The following CERKL variants were observed in gnomAD, a reference collection of about 807,000 sequenced individuals.
CERKL encodes the protein CERK like autophagy regulator, also known as ceramide kinase-like protein.
CERKL carries 61 observed loss-of-function variants against 63.4 expected under a neutral mutation model. The ratio of observed to expected loss-of-function variants is 0.96; its 90% CI spans 0.78 to 1.19. The LOEUF is 1.19. Among genes scored for constraint, CERKL ranks in the 50% most tolerant of loss-of-function variants. CERKL has a pLI of 0.00. For missense variants in CERKL, 675 were observed against 655.5 expected, an observed-to-expected ratio of 1.03 and a Z score of -0.33; for synonymous variants, 250 against 230.5, an observed-to-expected ratio of 1.08 and a Z score of -0.77.
At chr2:181,586,074 C>A (rs1209647438) in intron 2 of CERKL, among the ~76,000 whole-genome samples, 1 of 152,098 alleles carries the variant, frequency 6.6e-6, no homozygotes, top group Non-Finnish European at 1.5e-5. Context: ...TGCAGTAAAC[C>A]TATCTCCCAT....
intron 1 of CERKL, among the ~76,000 whole-genome samples, chr2:181,651,172 T>C (rs1260457994): frequency 6.6e-6 from 1 of 152,194 alleles, no homozygotes; most frequent in Non-Finnish European, 1.5e-5. Flanking sequence ...TCCAAACTCA[T>C]TTCATGAGTC....
chr2:181,543,940 C>A (rs184046880), intron 11 of CERKL, among the ~76,000 whole-genome samples: 1 of 147,476 alleles, frequency 6.8e-6, no homozygotes, highest in South Asian at 2.1e-4. Context: ...GCAGACATCA[C>A]GCCACTGCAC....
chr2:181,644,698 TG>T (rs36061620), intron 1 of CERKL, among the ~76,000 whole-genome samples: 7 of 151,972 alleles, frequency 4.6e-5, no homozygotes, highest in African/African-American at 1.7e-4. Context: ...TAACATATAA[TG>T]GGGGAAAAAA....
chr2:181,633,830 C>A (rs1415351946), intron 1 of CERKL, among the ~76,000 whole-genome samples: 1 of 152,140 alleles, frequency 6.6e-6, no homozygotes, highest in East Asian at 1.9e-4. Context: ...ATTCCACTTC[C>A]TTTTTCTTTG....
At chr2:181,559,708 A>G (rs1688357466) in intron 4 of CERKL, among the ~76,000 whole-genome samples, 1 of 152,216 alleles carries the variant, frequency 6.6e-6, no homozygotes, top group South Asian at 2.1e-4. Context: ...TATTTCAAAC[A>G]AAACTGTCTA....
chr2:181,548,249 G>C, intron 8 of CERKL: 2 of 508,710 alleles, frequency 3.9e-6, no homozygotes, highest in Non-Finnish European at 6.9e-6. Context: ...AAGGGAAAAG[G>C]AAAGAAAGGG....
At chr2:181,560,669 A>ATT (rs1688400513) in intron 4 of CERKL, among the ~76,000 whole-genome samples, 1 of 152,148 alleles carries the variant, frequency 6.6e-6, no homozygotes, top group South Asian at 2.1e-4. Context: ...CTTTTTCAAG[A>ATT]TTGTACCACT....
chr2:181,617,286 T>C (rs1686238227), intron 1 of CERKL: 1 of 152,228 alleles, frequency 6.6e-6, no homozygotes, highest in Non-Finnish European at 1.5e-5. Flanking sequence ...AGTGGTGGTT[T>C]GCTCCAGGAG....
intron 1 of CERKL, among the ~76,000 whole-genome samples, chr2:181,626,942 A>G (rs1476764691): frequency 1.3e-5 from 2 of 152,270 alleles, no homozygotes; most frequent in East Asian, 3.8e-4. Context: ...GAGAGGTGAT[A>G]TGAGAGTAGC....
At chr2:181,632,556 A>T (rs1440960458) in intron 1 of CERKL, among the ~76,000 whole-genome samples, 3 of 152,210 alleles carry the variant, frequency 2.0e-5, no homozygotes, top group Non-Finnish European at 2.9e-5. Flanking sequence ...CATACCAAGC[A>T]CCATACAAAG....
At chr2:181,604,979 T>TA (rs571931107) in intron 1 of CERKL, among the ~76,000 whole-genome samples, 1 of 152,112 alleles carries the variant, frequency 6.6e-6, no homozygotes, top group Non-Finnish European at 1.5e-5. Context: ...TTTTAGACCT[T>TA]AAAAAAAGAC....
chr2:181,604,112 A>G (rs1685577401), intron 1 of CERKL, 33 bp from the exon 2 acceptor site: 3 of 1,543,502 alleles, frequency 1.9e-6, no homozygotes, highest in African/African-American at 2.8e-5. Flanking sequence ...AATTAAAACC[A>G]TTGTGTTTCA....
At chr2:181,629,963 A>G (rs79318584) in intron 1 of CERKL, among the ~76,000 whole-genome samples, 26 of 30,594 alleles carry the variant, frequency 8.5e-4, no homozygotes, top group Non-Finnish European at 1.1e-3. Context: ...ATTGTCTTGG[A>G]AAAAAAAAAA....
rs1189901065 is a variant in CERKL, at chr2:181,566,089, G to T, written c.646C>A (p.Leu216Ile). The part of the protein sequence containing the change: ...MEYEGHALSL[L>I]KECELQGFDG... Reference sequence around the variant, plus strand: ...AATCCCTGGAGTTCACATTCCTTAAGCAGTGACAGAGCGTGCCCTTCATAT... The same window carrying T: ...AATCCCTGGAGTTCACATTCCTTAATCAGTGACAGAGCGTGCCCTTCATAT... The change falls in exon 4 of 13, where the codon CTT becomes ATT. Residue 216 changes from leucine to isoleucine, a missense_variant. Physicochemically the swap from Leu to Ile is conservative, Grantham distance 5. Transcript: ENST00000410087. The T allele has an allele frequency of 6.2e-7, 1 of 1,610,338 alleles. No homozygotes were observed. Among genetic ancestry groups the T allele is most frequent in the Non-Finnish European group, 8.5e-7 (1 of 1,177,128 alleles).
At position 181,539,098 on chromosome 2, in the gene CERKL, TG is replaced by T; in HGVS notation, c.1531del (p.His511IlefsTer19). On this transcript the variant is annotated frameshift_variant, in exon 12 of 13. Transcript: ENST00000410087. LOFTEE classifies it high-confidence loss of function. Reference protein sequence around the residue: ...GDLMEVASEVHIRLHPRLISL... With the variant: ...GDLMEVASEVXIRLHPRLISL... ...GTGAAATAAATAGACTTACCTAATA[TG>T]GACCTCTGATGCAACTTCCATTAAG... 6.3e-7 allele frequency: 1 copy of T among 1,597,820 alleles called. No individual in the cohort carries two copies. The highest frequency in any genetic ancestry group is 8.6e-7 in the Non-Finnish European group (1 of 1,165,442).
At position 181,656,947 on chromosome 2, in the gene CERKL, C is replaced by T. The variant is rs556744419; in HGVS notation, c.60G>A (p.Glu20=). Reference sequence around the variant, plus strand: ...GCACAGCGGCAGCCTCCGGGGGCGCCTCTTCCTCCCGGCCGCCCTCCAGGG... The same window carrying T: ...GCACAGCGGCAGCCTCCGGGGGCGCTTCTTCCTCCCGGCCGCCCTCCAGGG... ...VSALEGGREE[E]APPEAAAVPP... Residue 20 remains glutamate (E), a synonymous_variant, in exon 1 of 13, where the codon GAG becomes GAA. Coordinates refer to ENST00000410087, the MANE Select transcript of CERKL (RefSeq NM_201548.5). 80 of 1,586,744 alleles carry T rather than the reference C, an allele frequency of 5.0e-5. No homozygotes were observed. The African/African-American group carries it at 1.0e-3, about 21-fold the overall frequency.
At chr2:181,587,616 C>G (rs1684821103) in intron 2 of CERKL, among the ~76,000 whole-genome samples, 1 of 152,212 alleles carries the variant, frequency 6.6e-6, no homozygotes, top group African/African-American at 2.4e-5. Flanking sequence ...TTTCCCTACT[C>G]TACATAGAAG....
intron 4 of CERKL, among the ~76,000 whole-genome samples, chr2:181,560,279 T>C (rs1219176734): frequency 6.6e-6 from 1 of 152,150 alleles, no homozygotes; most frequent in Non-Finnish European, 1.5e-5. Context: ...CAAAAAAATC[T>C]AATTTAGCAC....
chr2:181,582,225 C>A (rs975301507), intron 2 of CERKL, among the ~76,000 whole-genome samples: 4 of 152,112 alleles, frequency 2.6e-5, no homozygotes, highest in Non-Finnish European at 5.9e-5. Flanking sequence ...GGGGAATACT[C>A]TTGAGTGGGA....
Sources: allele counts gnomAD v4.1 joint callset (sites outside exome capture counted in the v4.1 genomes callset), GRCh38; gene constraint gnomAD v4.1.1; transcripts MANE v1.5; gene names NCBI Gene and HGNC (gene_info 2026-07-23, HGNC 2026-07-21).